Variants in LRP1B observed in about 807,000 individuals in gnomAD.
The protein encoded by LRP1B is LDL receptor related protein 1B, also known as low-density lipoprotein receptor-related protein 1B.
Under a neutral mutation model 556.6 loss-of-function variants are expected in LRP1B, and 217 were observed. The ratio of observed to expected loss-of-function variants is 0.39; its 90% CI spans 0.35 to 0.44. The LOEUF (loss-of-function observed/expected upper bound fraction) is 0.44, where lower values mean the gene tolerates loss of function less well. LRP1B is among the 20% of genes least tolerant of loss of function. LRP1B has a pLI of 1.00. For missense variants in LRP1B, 5,053 were observed against 5,620.8 expected, an observed-to-expected ratio of 0.90 and a Z score of 3.23; for synonymous variants, 2,047 against 1,865.8, an observed-to-expected ratio of 1.10 and a Z score of -2.50.
At chr2:140,472,793 C>G (rs1402931167) in intron 60 of LRP1B, among the ~76,000 whole-genome samples, 2 of 152,000 alleles carry the variant, frequency 1.3e-5, no homozygotes, top group South Asian at 4.1e-4. Context: ...CAAGGTCTAA[C>G]TTTAAAATTT....
chr2:140,482,323 G>C (rs1688279245), intron 59 of LRP1B, among the ~76,000 whole-genome samples: 1 of 152,028 alleles, frequency 6.6e-6, no homozygotes, highest in African/African-American at 2.4e-5. Flanking sequence ...TCACTTTAAT[G>C]TTTATCATAA....
intron 32 of LRP1B, among the ~76,000 whole-genome samples, chr2:140,782,055 T>G (rs1166845062): frequency 6.6e-6 from 1 of 151,742 alleles, no homozygotes; most frequent in Non-Finnish European, 1.5e-5. Context: ...TCTCACATTT[T>G]TTGTTGTTGT....
chr2:141,730,319 T>A (rs770990499), intron 2 of LRP1B, among the ~76,000 whole-genome samples: 8 of 152,114 alleles, frequency 5.3e-5, no homozygotes, highest in Non-Finnish European at 1.0e-4. Context: ...GCTGTCATCA[T>A]CATTACTGAT....
chr2:141,423,180 G>C (rs1267481112), intron 3 of LRP1B, among the ~76,000 whole-genome samples: 1 of 151,790 alleles, frequency 6.6e-6, no homozygotes, highest in East Asian at 1.9e-4. Context: ...AATTGTCTCT[G>C]TGGTAGTTCA....
At chr2:141,117,884 T>C (rs185893033) in intron 7 of LRP1B, among the ~76,000 whole-genome samples, 67 of 152,098 alleles carry the variant, frequency 4.4e-4, no homozygotes, top group African/African-American at 1.5e-3. Flanking sequence ...AAAATAAGCA[T>C]TTGGTTTGTC....
intron 1 of LRP1B, among the ~76,000 whole-genome samples, chr2:142,118,625 T>C (rs541760180): frequency 1.3e-5 from 2 of 152,282 alleles, no homozygotes; most frequent in South Asian, 4.1e-4. Flanking sequence ...AAAAAAGCCC[T>C]TCAGCAGACT....
intron 34 of LRP1B, 53 bp downstream of exon 34, chr2:140,770,828 T>A (rs1309260796): frequency 1.4e-6 from 2 of 1,463,236 alleles, no homozygotes; most frequent in Non-Finnish European, 9.1e-7. Flanking sequence ...GCATGGTATG[T>A]AATGATTAGT....
At chr2:140,514,573 C>A (rs2104931048) in intron 51 of LRP1B, 80 bp downstream of exon 51, 1 of 1,325,916 alleles carries the variant, frequency 7.5e-7, no homozygotes. Flanking sequence ...AATAAATTAG[C>A]AAATTTTGTG....
chr2:140,702,396 A>G (rs756503402), intron 38 of LRP1B, 31 bp downstream of exon 38: 1 of 1,611,612 alleles, frequency 6.2e-7, no homozygotes, highest in Admixed American at 1.7e-5. Flanking sequence ...CAGTTAAGGC[A>G]CTTTAAATAC....
At chr2:142,025,296 A>G (rs1014746727) in intron 1 of LRP1B, among the ~76,000 whole-genome samples, 1 of 152,180 alleles carries the variant, frequency 6.6e-6, no homozygotes, top group African/African-American at 2.4e-5. Context: ...TACCAGGAAC[A>G]GTTTAATATC....
chr2:141,922,516 TGTGA>T (rs1458673021), intron 1 of LRP1B, among the ~76,000 whole-genome samples: 2 of 152,222 alleles, frequency 1.3e-5, no homozygotes, highest in Non-Finnish European at 2.9e-5. Context: ...TACAGCTCAT[TGTGA>T]GTATTTTCTG....
At chr2:142,031,478 C>A (rs1303112656) in intron 1 of LRP1B, among the ~76,000 whole-genome samples, 1 of 89,214 alleles carries the variant, frequency 1.1e-5, no homozygotes, top group Non-Finnish European at 2.1e-5. Context: ...CAATGCTATC[C>A]CTCCCCCCTC....
At chr2:141,407,552 T>A (rs112001142) in intron 3 of LRP1B, among the ~76,000 whole-genome samples, 5,346 of 152,158 alleles carry the variant, frequency 0.035, 300 homozygotes, top group African/African-American at 0.12. Flanking sequence ...TGGTGGTAAG[T>A]GAGCACTCTC....
intron 2 of LRP1B, among the ~76,000 whole-genome samples, chr2:141,665,001 A>C (rs1385060734): frequency 6.6e-6 from 1 of 152,202 alleles, no homozygotes; most frequent in African/African-American, 2.4e-5. Context: ...CTGGTACAAA[A>C]ACAGACATAT....
Position 140,541,760 on chromosome 2 carries a change from GCTTT to G in LRP1B, c.7387+15_7387+18del. The stretch of plus-strand genomic sequence containing the variant: ...GATTATACAATGAAAAAACACATTT[GCTTT>G]CTATTATAACTTACAGCTATTGGTG... On this transcript the variant is annotated intron_variant, in intron 44 of 90. Transcript: ENST00000389484. The G allele has an allele frequency of 6.4e-7, 1 of 1,571,202 alleles. No homozygotes were observed. Among genetic ancestry groups the G allele is most frequent in the Non-Finnish European group, 8.7e-7 (1 of 1,148,448 alleles).
intron 20 of LRP1B, among the ~76,000 whole-genome samples, chr2:140,936,718 ATAT>A (rs1184663358): frequency 6.6e-6 from 1 of 152,174 alleles, no homozygotes; most frequent in Non-Finnish European, 1.5e-5. Flanking sequence ...TTTGAAAAAA[ATAT>A]TATTCTAAAA....
At chr2:141,036,345 A>G (rs1698532100) in intron 11 of LRP1B, among the ~76,000 whole-genome samples, 1 of 152,098 alleles carries the variant, frequency 6.6e-6, no homozygotes, top group Admixed American at 6.6e-5. Context: ...CACTGAATTT[A>G]CAAGAGAAAG....
At chr2:142,101,640 T>TTCTTC (rs1417789070) in intron 1 of LRP1B, among the ~76,000 whole-genome samples, 2 of 151,996 alleles carry the variant, frequency 1.3e-5, no homozygotes, top group African/African-American at 4.8e-5. Flanking sequence ...TTTTAACTGT[T>TTCTTC]TCTTCTAGAA....
At chr2:141,122,628 AG>A (rs1203012834) in intron 7 of LRP1B, among the ~76,000 whole-genome samples, 1 of 152,176 alleles carries the variant, frequency 6.6e-6, no homozygotes, top group African/African-American at 2.4e-5. Context: ...GTGGAGAAAT[AG>A]GAACACTTTT....
Sources: allele counts gnomAD v4.1 joint callset (sites outside exome capture counted in the v4.1 genomes callset), GRCh38; gene constraint gnomAD v4.1.1; transcripts MANE v1.5; gene names NCBI Gene and HGNC (gene_info 2026-07-23, HGNC 2026-07-21).